Variants in CTNNA1 observed in about 807,000 individuals in gnomAD.
CTNNA1 encodes catenin alpha 1.
In CTNNA1, 37 loss-of-function variants were observed where a neutral mutation model predicts 98.4. The ratio of observed to expected loss-of-function variants is 0.38; its 90% CI spans 0.29 to 0.49. The LOEUF (loss-of-function observed/expected upper bound fraction) is 0.49. CTNNA1 is among the 20% of genes least tolerant of loss of function. CTNNA1 has a pLI of 0.95. For missense variants in CTNNA1, 761 were observed against 1,147.2 expected, an observed-to-expected ratio of 0.66 and a Z score of 4.86; for synonymous variants, 404 against 413.2, an observed-to-expected ratio of 0.98 and a Z score of 0.27.
At chr5:138,871,119 T>A (rs1352547297) in intron 7 of CTNNA1, 1 of 152,180 alleles carries the variant, frequency 6.6e-6, no homozygotes, top group East Asian at 1.9e-4. Flanking sequence ...TGATTAAATC[T>A]TACTGGCTAA....
intron 7 of CTNNA1, among the ~76,000 whole-genome samples, chr5:138,879,092 C>T (rs1752295448): frequency 6.7e-6 from 1 of 148,496 alleles, no homozygotes; most frequent in Non-Finnish European, 1.5e-5. Context: ...AGCCTGTAAT[C>T]CTAGCTACTC....
At chr5:138,794,362 A>C (rs28363391) in intron 3 of CTNNA1, among the ~76,000 whole-genome samples, 5,475 of 152,194 alleles carry the variant, frequency 0.036, 263 homozygotes, top group African/African-American at 0.11. Context: ...TAAAAAAAAA[A>C]CAAAAAAACA....
intron 3 of CTNNA1, among the ~76,000 whole-genome samples, chr5:138,785,285 TCTC>T (rs1285749245): frequency 6.6e-6 from 1 of 151,882 alleles, no homozygotes; most frequent in East Asian, 1.9e-4. Context: ...ATGGTCTCGA[TCTC>T]CTGACCTCGT....
chr5:138,933,681 C>A, intron 17 of CTNNA1, 121 bp from the exon 18 acceptor site: 1 of 1,019,374 alleles, frequency 9.8e-7, no homozygotes, highest in Non-Finnish European at 1.4e-6. Context: ...CAATCCTCTG[C>A]GACCTGCCCA....
At chr5:138,919,425 T>A (rs1285743324) in intron 11 of CTNNA1, among the ~76,000 whole-genome samples, 3 of 152,206 alleles carry the variant, frequency 2.0e-5, no homozygotes, top group African/African-American at 7.2e-5. Flanking sequence ...AAATAAAATG[T>A]AACAGCATCA....
At chr5:138,788,613 A>T (rs1442981595) in intron 3 of CTNNA1, among the ~76,000 whole-genome samples, 2 of 152,200 alleles carry the variant, frequency 1.3e-5, no homozygotes. Flanking sequence ...TTAACAGTAG[A>T]TAAAGAGTAG....
intron 1 of CTNNA1, among the ~76,000 whole-genome samples, chr5:138,768,394 G>C (rs892800327): frequency 2.0e-5 from 3 of 151,714 alleles, no homozygotes; most frequent in African/African-American, 7.3e-5. Flanking sequence ...CAAGTACTGG[G>C]ACTACAGGTG....
chr5:138,909,667 A>G (rs1369137880), intron 10 of CTNNA1, among the ~76,000 whole-genome samples: 2 of 151,958 alleles, frequency 1.3e-5, no homozygotes, highest in Non-Finnish European at 2.9e-5. Context: ...TTTCTCACTC[A>G]CTAAATTGAG....
At chr5:138,884,593 C>T (rs1038065406) in intron 7 of CTNNA1, among the ~76,000 whole-genome samples, 2 of 152,160 alleles carry the variant, frequency 1.3e-5, no homozygotes, top group African/African-American at 4.8e-5. Flanking sequence ...TGATGTTATA[C>T]TAGAGTCCAT....
rs1756481353 is a variant in CTNNA1 at position 138,792,421 on chromosome 5, A to G, written c.301+9049A>G. The stretch of plus-strand genomic sequence containing the variant: ...TTGACAGCTTCAGACTGATGTACCC[A>G]CATCTACTATAGGCAGCCTGGAAGA... On this transcript the variant is annotated intron_variant, in intron 3 of 17. Transcript: ENST00000302763. 3.9e-5 allele frequency among the ~76,000 whole-genome samples: 6 copies of G among 152,332 alleles called. No individual in the cohort carries two copies. The Middle Eastern group carries it at 0.014, about 345-fold the overall frequency.
chr5:138,767,572 G>A (rs1357579924), intron 1 of CTNNA1, among the ~76,000 whole-genome samples: 1 of 152,100 alleles, frequency 6.6e-6, no homozygotes, highest in Non-Finnish European at 1.5e-5. Flanking sequence ...ACCTTCTATC[G>A]TATTATAACT....
At chr5:138,844,164 T>G (rs1762508220) in intron 7 of CTNNA1, among the ~76,000 whole-genome samples, 2 of 152,140 alleles carry the variant, frequency 1.3e-5, no homozygotes, top group South Asian at 4.1e-4. Flanking sequence ...TTTTTAAAAT[T>G]TTAAAAATAA....
chr5:138,933,097 G>A, intron 17 of CTNNA1: 2 of 670,744 alleles, frequency 3.0e-6, no homozygotes, highest in Non-Finnish European at 5.4e-6. Context: ...TGGCACCACT[G>A]CACTCCCGTC....
At chr5:138,910,517 A>G (rs1760378460) in intron 10 of CTNNA1, among the ~76,000 whole-genome samples, 1 of 151,228 alleles carries the variant, frequency 6.6e-6, no homozygotes. Context: ...CTCCTTTTCT[A>G]GTTTTAAAAT....
intron 5 of CTNNA1, among the ~76,000 whole-genome samples, chr5:138,814,279 G>A (rs1340085608): frequency 4.8e-5 from 7 of 146,732 alleles, no homozygotes; most frequent in East Asian, 2.0e-4. Flanking sequence ...ATGGAGTTTC[G>A]CTCTTGTTGC....
intron 1 of CTNNA1, among the ~76,000 whole-genome samples, chr5:138,768,350 C>T (rs919991535): frequency 6.6e-6 from 1 of 151,946 alleles, no homozygotes; most frequent in Non-Finnish European, 1.5e-5. Context: ...ACCTCTGCCT[C>T]CCAGGTTCAA....
intron 15 of CTNNA1, 40 bp downstream of exon 15, chr5:138,930,694 A>G: frequency 2.5e-6 from 4 of 1,592,576 alleles, no homozygotes; most frequent in Non-Finnish European, 2.6e-6. Flanking sequence ...CACAGGGGCT[A>G]CTTTCTTCCC....
At chr5:138,784,553 T>G (rs1319374092) in intron 3 of CTNNA1, among the ~76,000 whole-genome samples, 2 of 152,222 alleles carry the variant, frequency 1.3e-5, no homozygotes, top group Non-Finnish European at 2.9e-5. Flanking sequence ...CTGAAAATGA[T>G]GAAATTATTA....
At chr5:138,773,157 T>C (rs573782414) in intron 1 of CTNNA1, among the ~76,000 whole-genome samples, 40 of 152,348 alleles carry the variant, frequency 2.6e-4, no homozygotes, top group Admixed American at 8.5e-4. Flanking sequence ...GCCTTGGCTC[T>C]GTAGCATCAT....
Sources: gnomAD v4.1 joint callset for allele counts (sites outside exome capture counted in the v4.1 genomes callset) on GRCh38, gnomAD v4.1.1 for gene constraint, MANE v1.5 for transcripts, NCBI Gene and HGNC (gene_info 2026-07-23, HGNC 2026-07-21) for gene names.